The following IGF2BP2 variants were observed in gnomAD, a reference collection of about 807,000 sequenced individuals.
IGF2BP2 encodes insulin-like growth factor 2 mRNA-binding protein 2.
In IGF2BP2, 17 loss-of-function variants were observed where a neutral mutation model predicts 75.8. The observed-to-expected ratio is 0.22, with a 90% CI of 0.15 to 0.34. IGF2BP2 has a LOEUF of 0.34. IGF2BP2 is among the 10% of genes least tolerant of loss of function. The pLI is 1.00. For missense variants in IGF2BP2, 516 were observed against 772.4 expected (o/e 0.67, Z 3.93); for synonymous variants, 288 against 295.6 (o/e 0.97, Z 0.26).
intron 2 of IGF2BP2, chr3:185,716,815 GC>G (rs1235066732): frequency 1.9e-6 from 1 of 517,866 alleles, no homozygotes; most frequent in Non-Finnish European, 3.9e-6. Flanking sequence ...TAACTGAGGG[GC>G]CAAAGAGAGG....
chr3:185,745,239 G>A (rs1430617821), intron 2 of IGF2BP2, among the ~76,000 whole-genome samples: 1 of 152,168 alleles, frequency 6.6e-6, no homozygotes, highest in Non-Finnish European at 1.5e-5. Flanking sequence ...TAGAGGAATG[G>A]TCGACCAAGT....
At chr3:185,689,213 G>A (rs1303822316) in intron 6 of IGF2BP2, 142 bp downstream of exon 6, 1 of 802,276 alleles carries the variant, frequency 1.2e-6, no homozygotes, top group Non-Finnish European at 2.0e-6. Context: ...TCTGTTAGTA[G>A]TCCTGTTGAA....
chr3:185,751,704 C>T (rs547846396), intron 2 of IGF2BP2, among the ~76,000 whole-genome samples: 19 of 151,936 alleles, frequency 1.3e-4, no homozygotes, highest in Admixed American at 3.9e-4. Flanking sequence ...GTGGTTCACA[C>T]CTGTAATCCC....
chr3:185,677,056 T>TGGAG (rs1560276052), intron 7 of IGF2BP2, among the ~76,000 whole-genome samples: 2 of 55,356 alleles, frequency 3.6e-5, no homozygotes, highest in African/African-American at 1.7e-4. Context: ...TATATATATA[T>TGGAG]ATATATATAT....
At chr3:185,651,844 G>A (rs529348135) in intron 13 of IGF2BP2, among the ~76,000 whole-genome samples, 2 of 152,324 alleles carry the variant, frequency 1.3e-5, no homozygotes, top group East Asian at 3.9e-4. Flanking sequence ...AGGTGCCAGA[G>A]CAGGGGCCAC....
chr3:185,766,258 C>T (rs1407973654), intron 2 of IGF2BP2, among the ~76,000 whole-genome samples: 1 of 152,038 alleles, frequency 6.6e-6, no homozygotes, highest in Non-Finnish European at 1.5e-5. Flanking sequence ...AATTTATTTG[C>T]CACTACATTA....
chr3:185,808,374 G>T, intron 2 of IGF2BP2, among the ~76,000 whole-genome samples: 1 of 151,950 alleles, frequency 6.6e-6, no homozygotes, highest in Non-Finnish European at 1.5e-5. Context: ...CAGCTACCAG[G>T]GAGGCTGATG....
chr3:185,813,637 C>T (rs934768613), intron 2 of IGF2BP2, among the ~76,000 whole-genome samples: 6 of 152,214 alleles, frequency 3.9e-5, no homozygotes, highest in African/African-American at 1.4e-4. Flanking sequence ...AAAAAAGTAA[C>T]CCAAATTTTC....
intron 2 of IGF2BP2, among the ~76,000 whole-genome samples, chr3:185,719,848 G>A (rs1402308515): frequency 6.6e-6 from 1 of 151,538 alleles, no homozygotes; most frequent in Non-Finnish European, 1.5e-5. Flanking sequence ...AAGAAAGGAA[G>A]GAAGGAAAGG....
At chr3:185,818,597 T>TA (rs1432516521) in intron 2 of IGF2BP2, among the ~76,000 whole-genome samples, 38 of 152,292 alleles carry the variant, frequency 2.5e-4, no homozygotes, top group African/African-American at 9.1e-4. Context: ...CACTTGCACA[T>TA]ACACCACTGA....
At chr3:185,765,025 A>G (rs1050857182) in intron 2 of IGF2BP2, among the ~76,000 whole-genome samples, 3 of 152,186 alleles carry the variant, frequency 2.0e-5, no homozygotes, top group African/African-American at 7.2e-5. Flanking sequence ...TGCTAATTTT[A>G]TCTCAATTTC....
chr3:185,745,743 CCAAA>C (rs1259270923), intron 2 of IGF2BP2, among the ~76,000 whole-genome samples: 1 of 152,218 alleles, frequency 6.6e-6, no homozygotes, highest in Admixed American at 6.5e-5. Flanking sequence ...CAGTAGCTGG[CCAAA>C]CAAACAGCTC....
At chr3:185,651,047 T>C in intron 13 of IGF2BP2, among the ~76,000 whole-genome samples, 1 of 152,186 alleles carries the variant, frequency 6.6e-6, no homozygotes, top group Non-Finnish European at 1.5e-5. Context: ...TAGCTGGGAC[T>C]ACAGGTACAT....
chr3:185,695,773 A>G (rs1705734232), intron 4 of IGF2BP2, among the ~76,000 whole-genome samples: 1 of 152,148 alleles, frequency 6.6e-6, no homozygotes, highest in African/African-American at 2.4e-5. Context: ...TTGAGTGTAC[A>G]CAAAAATCAC....
chr3:185,796,217 T>C (rs1383479855), intron 2 of IGF2BP2, among the ~76,000 whole-genome samples: 1 of 152,136 alleles, frequency 6.6e-6, no homozygotes, highest in Non-Finnish European at 1.5e-5. Flanking sequence ...AGTTTGCATA[T>C]TAGAACTTAA....
chr3:185,729,998 T>TC (rs2149509316), intron 2 of IGF2BP2, among the ~76,000 whole-genome samples: 1 of 152,306 alleles, frequency 6.6e-6, no homozygotes, highest in Admixed American at 6.5e-5. Context: ...TTTTCATGTC[T>TC]CCAGGGGTAT....
chr3:185,649,427 C>T lies in IGF2BP2; in HGVS notation c.1569G>A (p.Arg523=). 6.2e-7 allele frequency: 1 copy of T among 1,613,788 alleles called. No homozygotes were observed. The part of the protein sequence containing the change: ...HIRVPSSTAG[R]VIGKGGKTVN... ...CGGTCTTGCCACCTTTGCCAATCAC[C>T]CGGCCAGCTGTGGAAGAGGGCACTC... Residue 523 remains arginine (R), a synonymous_variant, in exon 14 of 16, where the codon CGG becomes CGA. Transcript: ENST00000382199.
chr3:185,689,306 C>A, intron 6 of IGF2BP2, 49 bp downstream of exon 6: 3 of 1,586,160 alleles, frequency 1.9e-6, no homozygotes, highest in Non-Finnish European at 2.6e-6. Flanking sequence ...CCCACCAGCA[C>A]GCAGGGGACC....
chr3:185,798,809 A>AG (rs1737793656), intron 2 of IGF2BP2, among the ~76,000 whole-genome samples: 1 of 136,518 alleles, frequency 7.3e-6, no homozygotes, highest in African/African-American at 2.9e-5. Flanking sequence ...TTTTTTTTTG[A>AG]GACAGAATCT....
Sources: gnomAD v4.1 joint callset for allele counts (sites outside exome capture counted in the v4.1 genomes callset) on GRCh38, gnomAD v4.1.1 for gene constraint, MANE v1.5 for transcripts, NCBI Gene and HGNC (gene_info 2026-07-23, HGNC 2026-07-21) for gene names.